The following XXYLT1 variants were observed in gnomAD, a reference collection of about 807,000 sequenced individuals.
XXYLT1 encodes the protein xyloside xylosyltransferase 1, also known as UDP-xylose:alpha-xyloside alpha-1,3-xylosyltransferase.
XXYLT1 carries 20 observed loss-of-function variants against 28.9 expected under a neutral mutation model. The observed-to-expected ratio is 0.69, with a 90% CI of 0.49 to 1.00. XXYLT1 has a LOEUF of 1.00. XXYLT1 is among the 50% of genes least tolerant of loss of function. The pLI, the probability that XXYLT1 is intolerant of heterozygous loss-of-function variation, is 0.00. For missense variants in XXYLT1, 542 were observed against 560.1 expected, an observed-to-expected ratio of 0.97 and a Z score of 0.33; for synonymous variants, 257 against 253.8, an observed-to-expected ratio of 1.01 and a Z score of -0.12.
At chr3:195,252,727 C>CACACAGAGAG (rs1191544595) in intron 1 of XXYLT1, among the ~76,000 whole-genome samples, 1 of 119,010 alleles carries the variant, frequency 8.4e-6, no homozygotes, top group African/African-American at 4.0e-5. Flanking sequence ...CACACACACA[C>CACACAGAGAG]AGAGAGAGAG....
intron 2 of XXYLT1, among the ~76,000 whole-genome samples, chr3:195,167,929 G>A (rs1217298250): frequency 2.0e-5 from 3 of 152,158 alleles, no homozygotes; most frequent in Non-Finnish European, 4.4e-5. Flanking sequence ...TCCAGGATAC[G>A]GGATCACTGT....
At chr3:195,179,796 G>A (rs918296540) in intron 2 of XXYLT1, among the ~76,000 whole-genome samples, 1 of 152,078 alleles carries the variant, frequency 6.6e-6, no homozygotes, top group Non-Finnish European at 1.5e-5. Context: ...ACTTGCAGCC[G>A]TAGAGATGTG....
chr3:195,083,342 A>T (rs1292158831), intron 3 of XXYLT1, among the ~76,000 whole-genome samples: 11 of 152,120 alleles, frequency 7.2e-5, no homozygotes, highest in Admixed American at 7.2e-4. Context: ...ACCTCTCGAA[A>T]GACTCCTCCC....
chr3:195,177,280 T>A (rs111965782), intron 2 of XXYLT1, among the ~76,000 whole-genome samples: 1 of 152,250 alleles, frequency 6.6e-6, no homozygotes, highest in African/African-American at 2.4e-5. Flanking sequence ...AGGTATGGAC[T>A]GTATCTTGCC....
At chr3:195,151,650 A>C (rs1019074938) in intron 3 of XXYLT1, among the ~76,000 whole-genome samples, 3 of 152,172 alleles carry the variant, frequency 2.0e-5, no homozygotes, top group Admixed American at 1.3e-4. Context: ...ATAAACGATT[A>C]TTTATAAACA....
At chr3:195,186,205 C>G (rs1466928188) in intron 2 of XXYLT1, among the ~76,000 whole-genome samples, 1 of 152,224 alleles carries the variant, frequency 6.6e-6, no homozygotes, top group Non-Finnish European at 1.5e-5. Flanking sequence ...ACAACTGGAA[C>G]TCTTCGTTGA....
At position 195,260,245 on chromosome 3, in the gene XXYLT1, T is replaced by C. The variant is rs367873259; in HGVS notation, c.504+10310A>G. 1.6e-4 allele frequency among the ~76,000 whole-genome samples: 24 copies of C among 150,648 alleles called. No individual in the cohort carries two copies. In the East Asian group the frequency reaches 2.3e-3, roughly 15 times the overall value. On this transcript the variant is annotated intron_variant, in intron 1 of 3. Transcript: ENST00000310380. ...CGCGCGGGGCACTGCACTCGGCCCG[T>C]GTGTCGGCCCCGGGCGGGGGAGGGA...
Sources: allele counts gnomAD v4.1 joint callset (sites outside exome capture counted in the v4.1 genomes callset), GRCh38; gene constraint gnomAD v4.1.1; transcripts MANE v1.5; gene names NCBI Gene and HGNC (gene_info 2026-07-23, HGNC 2026-07-21).